PLCB4: variants seen among roughly 807,000 people sequenced by gnomAD.
The protein encoded by PLCB4 is phospholipase C beta 4, also known as 1-phosphatidylinositol 4,5-bisphosphate phosphodiesterase beta-4.
In PLCB4, 77 loss-of-function variants were observed where a neutral mutation model predicts 178.8. That is an observed-to-expected ratio of 0.43 (90% CI 0.36 to 0.52). The LOEUF (loss-of-function observed/expected upper bound fraction) is 0.52. Among genes scored for constraint, PLCB4 ranks in the 20% least tolerant of loss-of-function variants. The pLI is 0.00. For synonymous variants in PLCB4, 496 were observed against 490.8 expected (o/e 1.01, Z -0.14); for missense variants, 1,024 against 1,453.4 (o/e 0.70, Z 4.80).
intron 25 of PLCB4, among the ~76,000 whole-genome samples, chr20:9,415,759 AGGATGGT>A (rs2040198693): frequency 6.6e-6 from 1 of 152,258 alleles, no homozygotes; most frequent in South Asian, 2.1e-4. Flanking sequence ...CTGAGAATTT[AGGATGGT>A]GGATGCAGAG....
At chr20:9,249,364 G>A (rs1202452666) in intron 3 of PLCB4, among the ~76,000 whole-genome samples, 2 of 152,176 alleles carry the variant, frequency 1.3e-5, no homozygotes, top group African/African-American at 4.8e-5. Flanking sequence ...CTGGTGTGTA[G>A]TGGCACAATC....
Position 9,393,816 on chromosome 20 carries a change from A to G in PLCB4, c.1414+138A>G. On this transcript the variant is annotated intron_variant, in intron 18 of 39. Coordinates refer to ENST00000378473, the MANE Select transcript of PLCB4 (RefSeq NM_001377142.1). Reference sequence around the variant, plus strand: ...GGGTGATGTTACAGGTACTTTTCAGAGCAAGATTGCCACATTTCCATTTAA... The same window carrying G: ...GGGTGATGTTACAGGTACTTTTCAGGGCAAGATTGCCACATTTCCATTTAA... 1.2e-5 allele frequency: 6 copies of G among 498,540 alleles called. No homozygotes were observed. The South Asian group carries it at 2.0e-4, about 17-fold the overall frequency. 30.9% of individuals were successfully genotyped at this position (498,540 alleles called of 1,614,324 possible). A position where few individuals can be genotyped will look rare whatever the true frequency, so the allele number is the denominator to read the frequency against.
At chr20:9,311,473 C>A (rs2094832924) in intron 4 of PLCB4, among the ~76,000 whole-genome samples, 1 of 152,144 alleles carries the variant, frequency 6.6e-6, no homozygotes, top group Admixed American at 6.6e-5. Flanking sequence ...CATTAGCCAG[C>A]CCAACCAGGA....
chr20:9,168,093 A>G (rs1187515731), intron 2 of PLCB4, among the ~76,000 whole-genome samples: 1 of 152,296 alleles, frequency 6.6e-6, no homozygotes. Flanking sequence ...AAACCACTTT[A>G]TGTGCTTTTT....
intron 3 of PLCB4, among the ~76,000 whole-genome samples, chr20:9,235,762 A>G (rs532568946): frequency 4.6e-5 from 7 of 152,224 alleles, no homozygotes; most frequent in African/African-American, 1.7e-4. Flanking sequence ...TCATGAACCA[A>G]CTCTTATTGA....
intron 9 of PLCB4, among the ~76,000 whole-genome samples, chr20:9,370,010 G>T (rs976974882): frequency 1.3e-5 from 2 of 152,204 alleles, no homozygotes; most frequent in Admixed American, 1.3e-4. Flanking sequence ...ATCAGGGAGC[G>T]ATTGAAGGCT....
At chr20:9,113,590 G>A (rs2091667655) in intron 2 of PLCB4, among the ~76,000 whole-genome samples, 1 of 152,106 alleles carries the variant, frequency 6.6e-6, no homozygotes, top group Non-Finnish European at 1.5e-5. Context: ...TTACCTTTGT[G>A]GAGTATTACT....
intron 3 of PLCB4, among the ~76,000 whole-genome samples, chr20:9,241,438 A>G (rs1278358830): frequency 1.3e-5 from 2 of 152,048 alleles, no homozygotes; most frequent in South Asian, 4.1e-4. Context: ...TCCAAACCAC[A>G]CAAGAGAAAC....
chr20:9,418,356 A>G (rs1049331685), intron 25 of PLCB4, among the ~76,000 whole-genome samples: 20 of 151,976 alleles, frequency 1.3e-4, no homozygotes, highest in African/African-American at 4.8e-4. Context: ...ATCCAGTTTT[A>G]TTTATTTATC....
intron 4 of PLCB4, among the ~76,000 whole-genome samples, chr20:9,309,053 AT>A (rs1288154078): frequency 6.6e-6 from 1 of 151,886 alleles, no homozygotes; most frequent in Non-Finnish European, 1.5e-5. Context: ...ATAGAGTAAT[AT>A]TTTTAAAATA....
Position 9,097,860 on chromosome 20 carries a change from C to T in PLCB4, c.-79+1518C>T, listed in dbSNP as rs944674720. Among the ~76,000 whole-genome samples the T allele has an allele frequency of 3.9e-5, 6 of 151,994 alleles. No individual in the cohort carries two copies. The East Asian group carries it at 5.8e-4, about 15-fold the overall frequency. On this transcript the variant is annotated intron_variant, in intron 2 of 39. Transcript: ENST00000378473. ...ATCATTGGAAATCTAGTGTGGAGAA[C>T]GAACATACATTGATTTCCAAATTGG...
In PLCB4 at chr20:9,095,962, CA is replaced by C. The variant is rs1292297382; in HGVS notation, c.-134-321del. 2.0e-5 allele frequency among the ~76,000 whole-genome samples: 3 copies of C among 152,112 alleles called. No individual in the cohort carries two copies. The East Asian group carries it at 5.8e-4, about 29-fold the overall frequency. The stretch of plus-strand genomic sequence containing the variant: ...TATACATTTACTTTATGGAATTAAG[CA>C]AAATGTTTGAAAATATGTCATTGGG... On this transcript the variant is annotated intron_variant, in intron 1 of 39. Coordinates refer to ENST00000378473, the MANE Select transcript of PLCB4 (RefSeq NM_001377142.1).
intron 2 of PLCB4, among the ~76,000 whole-genome samples, chr20:9,132,841 A>G (rs145253301): frequency 6.9e-4 from 105 of 152,324 alleles, no homozygotes; most frequent in African/African-American, 2.4e-3. Context: ...TTCTAGGGGC[A>G]TCTGACATTG....
At chr20:9,304,200 TAACTC>T (rs1277046966) in intron 3 of PLCB4, among the ~76,000 whole-genome samples, 1 of 151,988 alleles carries the variant, frequency 6.6e-6, no homozygotes, top group African/African-American at 2.4e-5. Flanking sequence ...AATTTCTGCT[TAACTC>T]AAGAATGATT....
chr20:9,382,621 T>C (rs2037240434), intron 13 of PLCB4, among the ~76,000 whole-genome samples: 1 of 152,170 alleles, frequency 6.6e-6, no homozygotes, highest in South Asian at 2.1e-4. Flanking sequence ...GACTGGTGTT[T>C]CCTGGGTGTG....
At chr20:9,290,460 T>C (rs1222502643) in intron 3 of PLCB4, among the ~76,000 whole-genome samples, 1 of 152,140 alleles carries the variant, frequency 6.6e-6, no homozygotes, top group African/African-American at 2.4e-5. Flanking sequence ...CTCTGGGCCT[T>C]GTTAGAGTGA....
At chr20:9,281,328 A>G (rs1460054566) in intron 3 of PLCB4, among the ~76,000 whole-genome samples, 2 of 152,048 alleles carry the variant, frequency 1.3e-5, no homozygotes, top group Admixed American at 1.3e-4. Context: ...AAGTAGTTTA[A>G]TCACTTTAAA....
At chr20:9,432,818 G>A (rs1301207345) in intron 28 of PLCB4, among the ~76,000 whole-genome samples, 2 of 152,206 alleles carry the variant, frequency 1.3e-5, no homozygotes, top group Non-Finnish European at 2.9e-5. Context: ...AGGATGCTGA[G>A]TAGAAAGACA....
intron 3 of PLCB4, among the ~76,000 whole-genome samples, chr20:9,284,416 A>T (rs1338741649): frequency 6.6e-6 from 1 of 151,968 alleles, no homozygotes. Flanking sequence ...AGATGAATGG[A>T]GAGAGATATA....
Sources: allele counts gnomAD v4.1 joint callset (sites outside exome capture counted in the v4.1 genomes callset), GRCh38; gene constraint gnomAD v4.1.1; transcripts MANE v1.5; gene names NCBI Gene and HGNC (gene_info 2026-07-23, HGNC 2026-07-21).